LYST: variants seen among roughly 807,000 people sequenced by gnomAD.
LYST encodes the protein lysosomal trafficking regulator.
A neutral mutation model predicts 413.6 loss-of-function variants in LYST; 192 were observed. The ratio of observed to expected loss-of-function variants is 0.46; its 90% CI spans 0.41 to 0.52. The LOEUF is 0.52. Among genes scored for constraint, LYST ranks in the 20% least tolerant of loss-of-function variants. The pLI is 0.00. For missense variants in LYST, 3,815 were observed against 4,499.9 expected, an observed-to-expected ratio of 0.85 and a Z score of 4.35; for synonymous variants, 1,525 against 1,567.3, an observed-to-expected ratio of 0.97 and a Z score of 0.64.
At chr1:235,747,135 C>T in intron 28 of LYST, 1 of 349,954 alleles carries the variant, frequency 2.9e-6, no homozygotes, top group South Asian at 2.2e-5. Context: ...TCAGACTGAA[C>T]AGAGAGGAGT....
chr1:235,809,182 G>T lies in LYST; in HGVS notation c.1636C>A (p.Arg546=), dbSNP rs542102013. ...GCACACACTGCAATGCAACAGCACC[G>T]CTCAGGATAATAAACATCTCCATCT... ...TADGDVYYPE[R]CCCIAVCAHQ... is the part of the protein sequence containing the mutation. Residue 546 remains arginine (R), a synonymous_variant, in exon 5 of 53, where the codon CGG becomes AGG. Transcript: ENST00000389793. This position sits in a 1 kb window ranked among gnomAD's most constrained non-coding sequence, Gnocchi z 4.0. 6.2e-7 allele frequency: 1 copy of T among 1,613,996 alleles called. No individual in the cohort carries two copies. The highest frequency in any genetic ancestry group is 1.1e-5 in the South Asian group (1 of 91,086).
chr1:235,664,055 C>A lies in LYST; in HGVS notation c.11196G>T (p.Arg3732Ser). 1 of 1,609,874 alleles carries A rather than the reference C, an allele frequency of 6.2e-7. No individual in the cohort carries two copies. The highest frequency in any genetic ancestry group is 8.5e-7 in the Non-Finnish European group (1 of 1,176,222). ...GCTTTAAGTCCCATGTGCTCCATAA[C>A]CTAGAGGGGAAAAAAATCATCTAAT... ...IAGGLENGIV[R>S]LWSTWDLKPV... is the part of the protein sequence containing the mutation. The change falls in exon 52 of 53, where the codon AGG (arginine) becomes AGT (serine). Residue 3732 changes from arginine to serine, a missense_variant and splice_region_variant. Arg to Ser is a moderately radical substitution (Grantham distance 110, BLOSUM62 -1). Coordinates refer to ENST00000389793, the MANE Select transcript of LYST (RefSeq NM_000081.4). The surrounding 1 kb of genome is among the most constrained non-coding windows in gnomAD (Gnocchi z 4.5).
At chr1:235,721,468 G>C (rs1663360607) in intron 39 of LYST, among the ~76,000 whole-genome samples, 1 of 152,016 alleles carries the variant, frequency 6.6e-6, no homozygotes. Flanking sequence ...TCACAGAAAA[G>C]GGGTATTGGT....
intron 3 of LYST, among the ~76,000 whole-genome samples, chr1:235,827,201 T>C (rs1675430834): frequency 6.6e-6 from 1 of 152,034 alleles, no homozygotes; most frequent in African/African-American, 2.4e-5. Flanking sequence ...CTGTTTCTAC[T>C]AAAAATATTT....
chr1:235,663,958 A>G, intron 52 of LYST, 26 bp downstream of exon 52: 1 of 1,521,568 alleles, frequency 6.6e-7, no homozygotes, highest in Non-Finnish European at 9.1e-7. Context: ...TGTATTCTGA[A>G]GCATAAGAGG....
chr1:235,741,065 T>TCAA (rs1665358912), intron 31 of LYST, among the ~76,000 whole-genome samples: 1 of 152,230 alleles, frequency 6.6e-6, no homozygotes, highest in Non-Finnish European at 1.5e-5. Context: ...TATACTGTTG[T>TCAA]TTGAGCTATT....
intron 44 of LYST, among the ~76,000 whole-genome samples, chr1:235,705,952 C>T (rs1661951966): frequency 1.3e-5 from 2 of 152,054 alleles, no homozygotes; most frequent in African/African-American, 4.8e-5. Flanking sequence ...CCACTACCAC[C>T]CAGCTAATTT....
rs1296485229 is a variant in LYST, at chr1:235,713,021, A to G, written c.9785-824T>C. On this transcript the variant is annotated intron_variant, in intron 42 of 52. Coordinates refer to ENST00000389793, the MANE Select transcript of LYST (RefSeq NM_000081.4). ...CCTCTGAACTTGTTGAAATTTGAAC[A>G]CATCTTTTCATTTGGAGACTGCCAC... The G allele has an allele frequency of 5.1e-6, 5 of 985,264 alleles. No homozygotes were observed. The Admixed American group carries it at 1.8e-4, about 36-fold the overall frequency. 61.0% of individuals were successfully genotyped at this position (985,264 alleles called of 1,614,324 possible). A position where few individuals can be genotyped will look rare whatever the true frequency, so the allele number is the denominator to read the frequency against.
In LYST at chr1:235,839,133, G is replaced by A. The variant is rs754024243; in HGVS notation, c.-97-5466C>T. ...AGCCACTGCACCTGGCCTCATTTTCGTTCTCTACATATAAAATGTAAAAGG... is the reference window on the plus strand; with the variant it reads ...AGCCACTGCACCTGGCCTCATTTTCATTCTCTACATATAAAATGTAAAAGG... On this transcript the variant is annotated intron_variant, in intron 1 of 52. Transcript: ENST00000389793. 9.4e-5 allele frequency among the ~76,000 whole-genome samples: 14 copies of A among 149,608 alleles called. No homozygotes were observed. In the East Asian group the frequency reaches 2.4e-3, roughly 26 times the overall value.
At chr1:235,810,919 G>A (rs963878574) in intron 4 of LYST, among the ~76,000 whole-genome samples, 1 of 152,122 alleles carries the variant, frequency 6.6e-6, no homozygotes, top group African/African-American at 2.4e-5. Flanking sequence ...TGAGGCGGGT[G>A]GGATCACTTG....
intron 1 of LYST, chr1:235,839,717 A>G (rs1676996460): frequency 6.6e-6 from 1 of 151,432 alleles, no homozygotes; most frequent in Non-Finnish European, 1.5e-5. Flanking sequence ...AAGGCAGGAG[A>G]ATTGCTTGAA....
At chr1:235,670,544 G>A (rs1460540830) in intron 50 of LYST, among the ~76,000 whole-genome samples, 1 of 152,180 alleles carries the variant, frequency 6.6e-6, no homozygotes, top group Non-Finnish European at 1.5e-5. Flanking sequence ...TCAAGAATGA[G>A]GGATTGAGAC....
intron 1 of LYST, among the ~76,000 whole-genome samples, chr1:235,835,253 G>GA (rs1676444491): frequency 6.6e-6 from 1 of 152,062 alleles, no homozygotes; most frequent in Non-Finnish European, 1.5e-5. Flanking sequence ...TATGGAAGGG[G>GA]AAAAAATAAA....
At chr1:235,802,238 C>CTCACAAGG (rs1440934628) in intron 8 of LYST, among the ~76,000 whole-genome samples, 1 of 144,758 alleles carries the variant, frequency 6.9e-6, no homozygotes, top group East Asian at 2.0e-4. Context: ...TACTGGGACA[C>CTCACAAGG]TCACAAGGTC....
intron 31 of LYST, chr1:235,738,962 G>T: frequency 1.4e-6 from 1 of 726,770 alleles, no homozygotes; most frequent in South Asian, 1.4e-5. Context: ...ATCCACTTTG[G>T]GGGATACAAA....
chr1:235,730,726 G>T, intron 36 of LYST, 121 bp downstream of exon 36: 1 of 782,724 alleles, frequency 1.3e-6, no homozygotes, highest in Non-Finnish European at 2.2e-6. Flanking sequence ...CCTCCCTTGA[G>T]CCTTTCCTGT....
chr1:235,804,455 C>T (rs762846681), intron 7 of LYST, 49 bp downstream of exon 7: 2 of 1,462,140 alleles, frequency 1.4e-6, no homozygotes, highest in Non-Finnish European at 1.9e-6. Flanking sequence ...CACACTTCCG[C>T]CTCTGCTGGT....
intron 31 of LYST, chr1:235,737,209 T>C (rs1235710879): frequency 3.9e-5 from 6 of 152,266 alleles, no homozygotes; most frequent in South Asian, 2.1e-4. Context: ...CTCAGCAGGA[T>C]TGTTATTAGT....
intron 30 of LYST, among the ~76,000 whole-genome samples, chr1:235,742,795 A>G (rs994668176): frequency 5.3e-5 from 8 of 152,196 alleles, no homozygotes; most frequent in African/African-American, 1.9e-4. Flanking sequence ...ATAGTCACAA[A>G]TTAAGCACTG....
Sources: allele counts gnomAD v4.1 joint callset (sites outside exome capture counted in the v4.1 genomes callset), GRCh38; gene constraint gnomAD v4.1.1; non-coding constraint Gnocchi (gnomAD v3.1); transcripts MANE v1.5; gene names NCBI Gene and HGNC (gene_info 2026-07-23, HGNC 2026-07-21).